The following CNNM4 variants were observed in gnomAD, a reference collection of about 807,000 sequenced individuals.
CNNM4 encodes cyclin and CBS domain divalent metal cation transport mediator 4, also known as metal transporter CNNM4.
In CNNM4, 32 loss-of-function variants were observed where a neutral mutation model predicts 53.7. The observed-to-expected ratio is 0.60, with a 90% CI of 0.45 to 0.80. The LOEUF (loss-of-function observed/expected upper bound fraction) is 0.80, where lower values mean the gene tolerates loss of function less well. CNNM4 is among the 30% of genes least tolerant of loss of function. The pLI is 0.00. For missense variants in CNNM4, 784 were observed against 1,022.0 expected, an observed-to-expected ratio of 0.77 and a Z score of 3.17; for synonymous variants, 410 against 440.0, an observed-to-expected ratio of 0.93 and a Z score of 0.85.
intron 1 of CNNM4, among the ~76,000 whole-genome samples, chr2:96,765,033 T>G (rs1369280545): frequency 1.1e-5 from 1 of 94,272 alleles, no homozygotes; most frequent in African/African-American, 7.7e-5. Flanking sequence ...GGTTTTTTTT[T>G]TTTTTTTTTT....
intron 5 of CNNM4, among the ~76,000 whole-genome samples, chr2:96,805,418 G>GTTTTTTTTTTTTTTTTT (rs898761608): frequency 1.7e-3 from 132 of 76,074 alleles, no homozygotes; most frequent in African/African-American, 2.3e-3. Flanking sequence ...CTTCTTTTCA[G>GTTTTTTTTTTTTTTTTT]TTTTTTTTTT....
At chr2:96,763,853 C>A (rs2078787826) in intron 1 of CNNM4, among the ~76,000 whole-genome samples, 1 of 146,214 alleles carries the variant, frequency 6.8e-6, no homozygotes, top group Admixed American at 6.8e-5. Context: ...GAGAGACAGA[C>A]CCCTAGTGGT....
At chr2:96,770,871 C>A (rs373351619) in intron 1 of CNNM4, among the ~76,000 whole-genome samples, 1 of 152,202 alleles carries the variant, frequency 6.6e-6, no homozygotes, top group African/African-American at 2.4e-5. Flanking sequence ...AGGCCTCTGT[C>A]GCTGCCTTGG....
chr2:96,806,320 A>C (rs2079205334), intron 5 of CNNM4, among the ~76,000 whole-genome samples: 1 of 152,172 alleles, frequency 6.6e-6, no homozygotes, highest in South Asian at 2.1e-4. Context: ...GTCAGTCATA[A>C]AGACTTGAAC....
chr2:96,768,651 G>A (rs1452902436), intron 1 of CNNM4, among the ~76,000 whole-genome samples: 2 of 152,202 alleles, frequency 1.3e-5, no homozygotes, highest in African/African-American at 4.8e-5. Flanking sequence ...TTTAGTGAGG[G>A]CAGAGGGAGG....
intron 1 of CNNM4, among the ~76,000 whole-genome samples, chr2:96,786,463 A>ACT: frequency 6.6e-6 from 1 of 151,700 alleles, no homozygotes; most frequent in East Asian, 1.9e-4. Context: ...GAAACTTAGA[A>ACT]AAGTGGAAAA....
At chr2:96,787,858 T>TA (rs945605136) in intron 1 of CNNM4, among the ~76,000 whole-genome samples, 3 of 152,180 alleles carry the variant, frequency 2.0e-5, no homozygotes, top group Admixed American at 1.3e-4. Context: ...AGACCCTGTC[T>TA]AAAAAAAATT....
At chr2:96,773,728 A>G (rs1455921284) in intron 1 of CNNM4, among the ~76,000 whole-genome samples, 2 of 151,732 alleles carry the variant, frequency 1.3e-5, no homozygotes, top group African/African-American at 2.4e-5. Context: ...CTGTAGTCCC[A>G]CCTACTCAGG....
rs1284293724 is a variant in CNNM4 at position 96,801,046 on chromosome 2, A to ATCACTGACCTTCTCTTTTGC, written c.1948+1401_1948+1420dup. 3 of 982,162 alleles carry ATCACTGACCTTCTCTTTTGC rather than the reference A, an allele frequency of 3.1e-6. No homozygotes were observed. The highest frequency in any genetic ancestry group is 3.6e-6 in the Non-Finnish European group (3 of 827,130). 60.8% of individuals were successfully genotyped at this position (982,162 alleles called of 1,614,324 possible). A position where few individuals can be genotyped will look rare whatever the true frequency, so the allele number is the denominator to read the frequency against. On this transcript the variant is annotated intron_variant, in intron 5 of 6. Transcript: ENST00000377075. The surrounding 1 kb of genome is among the most constrained non-coding windows in gnomAD (Gnocchi z 5.6). ...CGTGTCCTGTCTCCTGACTGCGCCC[A>ATCACTGACCTTCTCTTTTGC]TCACTGACCTTCTCTTTTGCTCCAG...
intron 5 of CNNM4, among the ~76,000 whole-genome samples, 190 bp downstream of exon 5, chr2:96,799,838 T>G (rs1053675397): frequency 2.0e-5 from 3 of 152,020 alleles, no homozygotes; most frequent in Admixed American, 1.3e-4. Flanking sequence ...GCTGCCACTT[T>G]GGATGGGGTC....
chr2:96,799,712 GAC>G (rs1445595961), intron 5 of CNNM4, 64 bp downstream of exon 5: 3 of 1,321,212 alleles, frequency 2.3e-6, no homozygotes, highest in Non-Finnish European at 2.1e-6. Context: ...GCCATGGACC[GAC>G]ACCAGAACTG....
Position 96,762,240 on chromosome 2 carries a change from A to T in CNNM4, c.1241A>T (p.Glu414Val), listed in dbSNP as rs2078771494. The change falls in exon 1 of 7, where the codon GAG becomes GTG. Residue 414 changes from glutamate (E) to valine (V), a missense_variant. Coordinates refer to ENST00000377075, the MANE Select transcript of CNNM4 (RefSeq NM_020184.4). The stretch of plus-strand genomic sequence containing the variant: ...ACTCGCATCCCGGTGTTCGAAGACG[A>T]GCAGTCCAATATTGTAGATATTCTC... ...GYTRIPVFED[E>V]QSNIVDILYV... The T allele has an allele frequency of 4.3e-6, 7 of 1,614,090 alleles. No individual in the cohort carries two copies. Among genetic ancestry groups the T allele is most frequent in the Non-Finnish European group, 5.9e-6 (7 of 1,180,044 alleles).
chr2:96,763,154 T>C (rs2078781551), intron 1 of CNNM4, among the ~76,000 whole-genome samples: 1 of 152,192 alleles, frequency 6.6e-6, no homozygotes, highest in Non-Finnish European at 1.5e-5. Flanking sequence ...TAAGTTTTGG[T>C]AATTGTGGCG....
At chr2:96,803,657 C>T (rs377761177) in intron 5 of CNNM4, among the ~76,000 whole-genome samples, 2 of 151,164 alleles carry the variant, frequency 1.3e-5, no homozygotes, top group South Asian at 2.1e-4. Context: ...ACCCAGGAGG[C>T]GGAGGTTGCA....
rs144915228 is a variant in CNNM4, at chr2:96,797,109, C to G, written c.1500C>G (p.Ile500Met). Reference sequence around the variant, plus strand: ...GCCTGGTCACCCTGGAGGACGTGATCGAGGAGATCATCAAGTCGGAGATCC... The same window carrying G: ...GCCTGGTCACCCTGGAGGACGTGATGGAGGAGATCATCAAGTCGGAGATCC... Reference protein sequence around the residue: ...VLGLVTLEDVIEEIIKSEILD... With the variant: ...VLGLVTLEDVMEEIIKSEILD... Residue 500 changes from isoleucine (I) to methionine (M), a missense_variant, in exon 2 of 7, where the codon ATC becomes ATG. Ile to Met is a conservative substitution (Grantham distance 10). Transcript: ENST00000377075. This position sits in a 1 kb window ranked among gnomAD's most constrained non-coding sequence, Gnocchi z 6.0. 1 of 1,613,984 alleles carries G rather than the reference C, an allele frequency of 6.2e-7. No individual in the cohort carries two copies. Among genetic ancestry groups the G allele is most frequent in the Admixed American group, 1.7e-5 (1 of 60,002 alleles).
Position 96,801,791 on chromosome 2 carries a change from C to T in CNNM4, c.1948+2143C>T, listed in dbSNP as rs1159420995. ...CACAGACAGAGATACTACAGACACC[C>T]ATAGACAGAGATATCACACACAGAA... is the stretch of plus-strand genomic sequence containing the variant. On this transcript the variant is annotated intron_variant, in intron 5 of 6. Transcript: ENST00000377075. The surrounding 1 kb of genome is among the most constrained non-coding windows in gnomAD (Gnocchi z 5.6). 6.6e-6 allele frequency among the ~76,000 whole-genome samples: 1 copy of T among 151,510 alleles called. No homozygotes were observed. The highest frequency in any genetic ancestry group is 1.9e-4 in the East Asian group (1 of 5,162).
At position 96,784,626 on chromosome 2, in the gene CNNM4, A is replaced by G. The variant is rs541926493; in HGVS notation, c.1403-12386A>G. On this transcript the variant is annotated intron_variant, in intron 1 of 6. Transcript: ENST00000377075. ...CAGTTTGTCAATAGCTTCACCCACT[A>G]TGGGCTTGTATTAAAGGAAGAAGGC... Among the ~76,000 whole-genome samples the G allele has an allele frequency of 4.6e-5, 7 of 152,294 alleles. No individual in the cohort carries two copies. In the South Asian group the frequency reaches 1.2e-3, roughly 27 times the overall value.
intron 1 of CNNM4, among the ~76,000 whole-genome samples, chr2:96,784,655 C>G (rs2079001527): frequency 1.3e-5 from 2 of 152,222 alleles, no homozygotes; most frequent in South Asian, 4.1e-4. Flanking sequence ...AGAAGGCTAT[C>G]TGTAGCAGAA....
chr2:96,767,650 C>A (rs1049633211), intron 1 of CNNM4, among the ~76,000 whole-genome samples: 1 of 152,172 alleles, frequency 6.6e-6, no homozygotes, highest in Non-Finnish European at 1.5e-5. Context: ...ACCACCTAGA[C>A]CCTGTATAGA....
Sources: allele counts gnomAD v4.1 joint callset (sites outside exome capture counted in the v4.1 genomes callset), GRCh38; gene constraint gnomAD v4.1.1; non-coding constraint Gnocchi (gnomAD v3.1); transcripts MANE v1.5; gene names NCBI Gene and HGNC (gene_info 2026-07-23, HGNC 2026-07-21).